Variants in TESK2 observed in about 807,000 individuals in gnomAD.
The protein encoded by TESK2 is testis associated actin remodelling kinase 2.
TESK2 carries 39 observed loss-of-function variants against 57.1 expected under a neutral mutation model. The ratio of observed to expected loss-of-function variants is 0.68; its 90% CI spans 0.53 to 0.89. The LOEUF (loss-of-function observed/expected upper bound fraction) is 0.89. Among genes scored for constraint, TESK2 ranks in the 40% least tolerant of loss-of-function variants. The pLI is 0.00. For missense variants in TESK2, 646 were observed against 732.1 expected, an observed-to-expected ratio of 0.88 and a Z score of 1.36; for synonymous variants, 249 against 267.9, an observed-to-expected ratio of 0.93 and a Z score of 0.69.
intron 4 of TESK2, among the ~76,000 whole-genome samples, chr1:45,380,993 A>G (rs1648631134): frequency 6.6e-6 from 1 of 152,238 alleles, no homozygotes; most frequent in Non-Finnish European, 1.5e-5. Flanking sequence ...TTGAAGTCAG[A>G]TGAACCTGGA....
intron 3 of TESK2, among the ~76,000 whole-genome samples, chr1:45,403,760 A>G (rs1431660122): frequency 2.6e-5 from 4 of 151,938 alleles, no homozygotes; most frequent in African/African-American, 9.7e-5. Context: ...AACAGCCAAG[A>G]TTTCTGGGAG....
chr1:45,351,285 A>G (rs551130181), intron 5 of TESK2, among the ~76,000 whole-genome samples: 2 of 152,334 alleles, frequency 1.3e-5, no homozygotes, highest in Non-Finnish European at 2.9e-5. Context: ...CAAACTGAAT[A>G]TTTTTAAAGC....
chr1:45,363,706 A>G (rs1450433975), intron 4 of TESK2, among the ~76,000 whole-genome samples: 1 of 152,162 alleles, frequency 6.6e-6, no homozygotes, highest in Non-Finnish European at 1.5e-5. Context: ...AACAAAGCAC[A>G]GAGATTAGTA....
At chr1:45,482,516 T>A (rs1157662725) in intron 1 of TESK2, among the ~76,000 whole-genome samples, 2 of 150,620 alleles carry the variant, frequency 1.3e-5, no homozygotes, top group African/African-American at 4.9e-5. Context: ...CAACTGCCCC[T>A]GTCTCAAAAA....
At chr1:45,442,892 TCTC>T (rs1175549077) in intron 2 of TESK2, among the ~76,000 whole-genome samples, 1 of 152,090 alleles carries the variant, frequency 6.6e-6, no homozygotes, top group African/African-American at 2.4e-5. Flanking sequence ...TTCAAGCAAT[TCTC>T]CTGCCTCAGC....
intron 4 of TESK2, among the ~76,000 whole-genome samples, chr1:45,380,344 A>G (rs1648604664): frequency 6.6e-6 from 1 of 152,156 alleles, no homozygotes; most frequent in East Asian, 1.9e-4. Flanking sequence ...CCAGTTCCCC[A>G]ATCTTCTAGC....
chr1:45,462,772 T>C (rs986049315), intron 1 of TESK2, among the ~76,000 whole-genome samples: 4 of 152,234 alleles, frequency 2.6e-5, no homozygotes, highest in African/African-American at 9.6e-5. Context: ...GGGATTGCTA[T>C]ATCACATTGT....
chr1:45,460,985 A>T (rs1395841415), intron 1 of TESK2, among the ~76,000 whole-genome samples: 7 of 152,126 alleles, frequency 4.6e-5, no homozygotes. Context: ...TGTGCTTCAA[A>T]CTACCTGAGG....
chr1:45,391,804 T>G (rs1273887255), intron 3 of TESK2, among the ~76,000 whole-genome samples: 4 of 152,158 alleles, frequency 2.6e-5, no homozygotes, highest in Admixed American at 6.5e-5. Context: ...TCACCCTACT[T>G]TGAATGACTG....
Position 45,345,403 on chromosome 1 carries a change from G to A in TESK2, c.1153C>T (p.Pro385Ser). 5 of 1,614,038 alleles carry A rather than the reference G, an allele frequency of 3.1e-6. No individual in the cohort carries two copies. Among genetic ancestry groups the A allele is most frequent in the Non-Finnish European group, 4.2e-6 (5 of 1,180,026 alleles). Residue 385 changes from proline to serine, a missense_variant, in exon 11 of 11, where the codon CCA becomes TCA. Physicochemically the swap from Pro to Ser is moderately conservative, Grantham distance 74. Transcript: ENST00000372086. ...KPPRTVSVLD[P>S]YYRPRDGAAR... ...GCACCATCTCGTGGCCGGTAGTATG[G>A]GTCCAAGACACTCACTGTACGTGGG...
chr1:45,419,255 C>A (rs1650366671), intron 3 of TESK2, among the ~76,000 whole-genome samples: 1 of 152,060 alleles, frequency 6.6e-6, no homozygotes, highest in Non-Finnish European at 1.5e-5. Flanking sequence ...GGATTACAGG[C>A]GTGAGCCGTC....
At chr1:45,489,288 C>G (rs1330009928) in intron 1 of TESK2, among the ~76,000 whole-genome samples, 1 of 152,192 alleles carries the variant, frequency 6.6e-6, no homozygotes, top group East Asian at 1.9e-4. Flanking sequence ...TTCCTTTAAT[C>G]TCTCTTTTTC....
chr1:45,429,658 C>T (rs543588763), intron 2 of TESK2, among the ~76,000 whole-genome samples: 6 of 152,212 alleles, frequency 3.9e-5, no homozygotes, highest in African/African-American at 7.2e-5. Flanking sequence ...CGGAGTTACC[C>T]GTGCTAAAGT....
In TESK2 at chr1:45,345,691, C is replaced by G. The variant is rs1217923353; in HGVS notation, c.998-133G>C. The G allele has an allele frequency of 8.2e-6, 8 of 981,302 alleles. No homozygotes were observed. The highest frequency in any genetic ancestry group is 6.6e-5 in the Admixed American group (3 of 45,338). 60.8% of individuals were successfully genotyped at this position (981,302 alleles called of 1,614,324 possible). ...TGTTTTACCAATGAAGAAACAGACT[C>G]AGAGAGGGGAAGCAGTATGCCAAGC... On this transcript the variant is annotated intron_variant, in intron 10 of 10. Coordinates refer to ENST00000372086, the MANE Select transcript of TESK2 (RefSeq NM_007170.3).
At chr1:45,486,441 T>C (rs1653479817) in intron 1 of TESK2, among the ~76,000 whole-genome samples, 1 of 152,044 alleles carries the variant, frequency 6.6e-6, no homozygotes. Flanking sequence ...AAATGTGTAA[T>C]TTTCTTTTTA....
At chr1:45,364,021 T>C (rs1436702486) in intron 4 of TESK2, among the ~76,000 whole-genome samples, 5 of 152,128 alleles carry the variant, frequency 3.3e-5, no homozygotes, top group Non-Finnish European at 1.5e-5. Context: ...CTATTTCTAT[T>C]ATTATTATTA....
At chr1:45,483,371 G>A (rs1570778731) in intron 1 of TESK2, among the ~76,000 whole-genome samples, 2 of 151,982 alleles carry the variant, frequency 1.3e-5, no homozygotes, top group Admixed American at 6.6e-5. Context: ...CGAGGCAGGC[G>A]GATGGCCTGA....
intron 2 of TESK2, among the ~76,000 whole-genome samples, chr1:45,454,342 G>A (rs1029569452): frequency 6.6e-6 from 1 of 152,040 alleles, no homozygotes. Flanking sequence ...GCACAACCAT[G>A]TGTACATACT....
At chr1:45,464,565 G>A (rs1480457143) in intron 1 of TESK2, among the ~76,000 whole-genome samples, 1 of 152,150 alleles carries the variant, frequency 6.6e-6, no homozygotes, top group South Asian at 2.1e-4. Flanking sequence ...ATTGTTTGCT[G>A]TTGGCACACA....
Sources: allele counts gnomAD v4.1 joint callset (sites outside exome capture counted in the v4.1 genomes callset), GRCh38; gene constraint gnomAD v4.1.1; transcripts MANE v1.5; gene names NCBI Gene and HGNC (gene_info 2026-07-23, HGNC 2026-07-21).